The following IDE variants were observed in gnomAD, a reference collection of about 807,000 sequenced individuals.
The protein encoded by IDE is insulin degrading enzyme.
In IDE, 58 loss-of-function variants were observed where a neutral mutation model predicts 133.2. That is an observed-to-expected ratio of 0.44 (90% CI 0.35 to 0.54). The LOEUF is 0.54. Ranked by LOEUF, IDE falls within the 20% of genes least tolerant of loss-of-function variation. The pLI is 0.00. For synonymous variants in IDE, 396 were observed against 421.3 expected, an observed-to-expected ratio of 0.94 and a Z score of 0.73; for missense variants, 981 against 1,234.0, an observed-to-expected ratio of 0.79 and a Z score of 3.07.
chr10:92,552,841 G>C (rs1214767555), intron 1 of IDE, among the ~76,000 whole-genome samples: 1 of 58,718 alleles, frequency 1.7e-5, no homozygotes, highest in East Asian at 4.3e-4. Flanking sequence ...CTGGGTGACA[G>C]AGTAAGACTC....
intron 12 of IDE, among the ~76,000 whole-genome samples, chr10:92,488,460 C>A (rs1472245285): frequency 6.6e-6 from 1 of 152,046 alleles, no homozygotes; most frequent in Non-Finnish European, 1.5e-5. Context: ...TTTAAGTGAA[C>A]CAGTAGTTCA....
chr10:92,532,542 A>AATATGGGCGTTTATG (rs1244204437), intron 3 of IDE, among the ~76,000 whole-genome samples: 1 of 152,220 alleles, frequency 6.6e-6, no homozygotes, highest in Non-Finnish European at 1.5e-5. Context: ...CATAAGAGAA[A>AATATGGGCGTTTATG]AAGTCCATAA....
intron 1 of IDE, among the ~76,000 whole-genome samples, chr10:92,565,950 G>A (rs1843518214): frequency 6.6e-6 from 1 of 151,750 alleles, no homozygotes; most frequent in Non-Finnish European, 1.5e-5. Flanking sequence ...CTTACTAGCT[G>A]TGTATCCTTG....
At chr10:92,553,855 G>C (rs1842898950) in intron 1 of IDE, among the ~76,000 whole-genome samples, 1 of 152,000 alleles carries the variant, frequency 6.6e-6, no homozygotes, top group African/African-American at 2.4e-5. Flanking sequence ...TCCTAGCAAA[G>C]AAAAGCCCAG....
rs1847319100 is a variant in IDE at position 92,491,194 on chromosome 10, C to T, written c.1431-599G>A. On this transcript the variant is annotated intron_variant, in intron 11 of 24. Transcript: ENST00000265986. Reference sequence around the variant, plus strand: ...TTGAGGCTGCAGTAGGCTAGAATCACACCACTGCACTCTAGCATGGGTGAC... The same window carrying T: ...TTGAGGCTGCAGTAGGCTAGAATCATACCACTGCACTCTAGCATGGGTGAC... Among the ~76,000 whole-genome samples, 4 of 151,610 alleles carry T rather than the reference C, an allele frequency of 2.6e-5. No homozygotes were observed. The South Asian group carries it at 6.3e-4, about 24-fold the overall frequency.
At chr10:92,542,293 T>C (rs10882078) in intron 1 of IDE, among the ~76,000 whole-genome samples, 14,628 of 152,268 alleles carry the variant, frequency 0.096, 825 homozygotes, top group South Asian at 0.17. Context: ...TAGCTGGGAC[T>C]ATAGGCACTC....
intron 13 of IDE, 36 bp downstream of exon 13, chr10:92,487,160 C>A: frequency 1.3e-6 from 2 of 1,591,450 alleles, no homozygotes; most frequent in Non-Finnish European, 1.7e-6. Flanking sequence ...TTAGGTCTGT[C>A]CCCCAAATTT....
intron 1 of IDE, among the ~76,000 whole-genome samples, chr10:92,564,671 CAAAAAAAAAAAAAAAAAAAAAAAAA>C (rs532861372): frequency 9.5e-5 from 3 of 31,586 alleles, no homozygotes; most frequent in East Asian, 1.7e-3. Flanking sequence ...GAGACTGTCT[CAAAAAAAAAAAAAAAAAAAAAAAAA>C]AAAAAAAAAA....
chr10:92,516,472 AGAGT>A (rs1179056749), intron 4 of IDE, among the ~76,000 whole-genome samples: 1 of 152,188 alleles, frequency 6.6e-6, no homozygotes, highest in East Asian at 1.9e-4. Flanking sequence ...CCTGGGCAAC[AGAGT>A]GAGACTCTGT....
At chr10:92,572,855 C>G (rs1040575561) in intron 1 of IDE, 17 of 981,360 alleles carry the variant, frequency 1.7e-5, no homozygotes, top group South Asian at 9.4e-5. Flanking sequence ...GCCTACCCCC[C>G]CATCTCTGGC....
chr10:92,477,864 T>C (rs1342874068), intron 15 of IDE, among the ~76,000 whole-genome samples: 2 of 152,204 alleles, frequency 1.3e-5, no homozygotes, highest in African/African-American at 4.8e-5. Context: ...GTTAGATTAA[T>C]AAACATTCTT....
chr10:92,532,170 T>C (rs1167797127), intron 3 of IDE, among the ~76,000 whole-genome samples: 4 of 151,404 alleles, frequency 2.6e-5, no homozygotes, highest in Non-Finnish European at 2.9e-5. Flanking sequence ...ATTTAAAAAA[T>C]TAACACCAAA....
At chr10:92,462,718 G>T (rs1197010932) in intron 21 of IDE, among the ~76,000 whole-genome samples, 3 of 152,186 alleles carry the variant, frequency 2.0e-5, no homozygotes, top group Non-Finnish European at 2.9e-5. Flanking sequence ...TTGGATCTTG[G>T]CCAGTCACCT....
At position 92,454,339 on chromosome 10, in the gene IDE, C is replaced by T. The variant is rs1844879711; in HGVS notation, c.*105G>A. 1.2e-5 allele frequency: 9 copies of T among 760,346 alleles called. No homozygotes were observed. The highest frequency in any genetic ancestry group is 1.0e-4 in the Admixed American group (5 of 48,430). 47.1% of individuals were successfully genotyped at this position (760,346 alleles called of 1,614,324 possible). On this transcript the variant is annotated 3_prime_UTR_variant, in exon 25 of 25. Transcript: ENST00000265986. ...ACATTTGACAATTTTTTGTTTGTTT[C>T]TCTAATAGTGAATCAGAAACTATTA...
chr10:92,503,843 C>T (rs1446198703), intron 11 of IDE, among the ~76,000 whole-genome samples: 2 of 151,726 alleles, frequency 1.3e-5, no homozygotes, highest in Non-Finnish European at 2.9e-5. Flanking sequence ...TGCAGCCTCC[C>T]GAGTAGCTGG....
At chr10:92,559,139 G>A (rs539851823) in intron 1 of IDE, 12 of 152,304 alleles carry the variant, frequency 7.9e-5, no homozygotes, top group Admixed American at 2.0e-4. Context: ...CAAGGATATA[G>A]AGAAATTGGA....
chr10:92,492,141 T>C (rs1359874377), intron 11 of IDE, among the ~76,000 whole-genome samples: 2 of 151,700 alleles, frequency 1.3e-5, no homozygotes, highest in Admixed American at 6.6e-5. Flanking sequence ...GTGCCTATAG[T>C]ACCAGCTACT....
At position 92,454,312 on chromosome 10, in the gene IDE, T is replaced by G. The variant is rs909673132; in HGVS notation, c.*132A>C. 4 of 627,698 alleles carry G rather than the reference T, an allele frequency of 6.4e-6. No homozygotes were observed. The South Asian group carries it at 9.1e-5, about 14-fold the overall frequency. The allele number at this position is 627,698 out of a possible 1,614,324, so 38.9% of individuals were successfully genotyped here. ...TTGGATTTATAATATTTCTACATAATGACATTTGACAATTTTTTGTTTGTT... is the reference window on the plus strand; with the variant it reads ...TTGGATTTATAATATTTCTACATAAGGACATTTGACAATTTTTTGTTTGTT... On this transcript the variant is annotated 3_prime_UTR_variant, in exon 25 of 25. Coordinates refer to ENST00000265986, the MANE Select transcript of IDE (RefSeq NM_004969.4).
chr10:92,508,935 T>C (rs1210738353), intron 6 of IDE, 45 bp from the exon 7 acceptor site: 3 of 1,430,834 alleles, frequency 2.1e-6, no homozygotes, highest in Non-Finnish European at 2.0e-6. Flanking sequence ...CGACTCCTAC[T>C]GAAGAAAATA....
Sources: gnomAD v4.1 joint callset for allele counts (sites outside exome capture counted in the v4.1 genomes callset) on GRCh38, gnomAD v4.1.1 for gene constraint, MANE v1.5 for transcripts, NCBI Gene and HGNC (gene_info 2026-07-23, HGNC 2026-07-21) for gene names.